The following CREBL2 variants were observed in gnomAD, a reference collection of about 807,000 sequenced individuals.
The protein encoded by CREBL2 is cAMP-responsive element-binding protein-like 2.
Under a neutral mutation model 19.5 loss-of-function variants are expected in CREBL2, and 4 were observed. The ratio of observed to expected loss-of-function variants is 0.20; its 90% CI spans 0.10 to 0.47. The LOEUF (loss-of-function observed/expected upper bound fraction) is 0.47. Ranked by LOEUF, CREBL2 falls within the 20% of genes least tolerant of loss-of-function variation. The pLI is 0.98. For missense variants in CREBL2, 85 were observed against 145.1 expected, an observed-to-expected ratio of 0.59 and a Z score of 2.13; for synonymous variants, 42 against 46.6, an observed-to-expected ratio of 0.90 and a Z score of 0.40.
rs1945532525 is a variant in CREBL2, at chr12:12,642,707, T to C, written c.*709T>C. The C allele has an allele frequency of 6.6e-6, 1 of 152,242 alleles. No homozygotes were observed. The highest frequency in any genetic ancestry group is 1.5e-5 in the Non-Finnish European group (1 of 68,036). The allele number at this position is 152,242 out of a possible 1,614,324, so 9.4% of individuals were successfully genotyped here. ...CCTTTGTTGCTGTCCTCTCAAACTA[T>C]ATTTATAAAAATTTGCTAGGGCCAA... is the stretch of plus-strand genomic sequence containing the variant. On this transcript the variant is annotated 3_prime_UTR_variant, in exon 4 of 4. Coordinates refer to ENST00000228865, the MANE Select transcript of CREBL2 (RefSeq NM_001310.4).
intron 1 of CREBL2, among the ~76,000 whole-genome samples, chr12:12,626,716 G>A (rs1251149257): frequency 6.6e-6 from 1 of 151,906 alleles, no homozygotes; most frequent in Non-Finnish European, 1.5e-5. Context: ...AACAAACTGT[G>A]GTACATCCCT....
At chr12:12,640,779 C>T (rs187323951) in intron 3 of CREBL2, among the ~76,000 whole-genome samples, 1 of 152,290 alleles carries the variant, frequency 6.6e-6, no homozygotes, top group Admixed American at 6.5e-5. Flanking sequence ...GGTTATAAAA[C>T]CTTTATCAGA....
At position 12,642,179 on chromosome 12, in the gene CREBL2, C is replaced by A. The variant is rs569900503; in HGVS notation, c.*181C>A. On this transcript the variant is annotated 3_prime_UTR_variant, in exon 4 of 4. Transcript: ENST00000228865. ...TCTCAAAGGATCTTGCTTTAACTTTCAACACTTAGAAAATCTACAAACATT... is the reference window on the plus strand; with the variant it reads ...TCTCAAAGGATCTTGCTTTAACTTTAAACACTTAGAAAATCTACAAACATT... 7 of 425,922 alleles carry A rather than the reference C, an allele frequency of 1.6e-5. No homozygotes were observed. The highest frequency in any genetic ancestry group is 4.1e-5 in the African/African-American group (2 of 48,940). 26.4% of individuals were successfully genotyped at this position (425,922 alleles called of 1,614,324 possible). A position where few individuals can be genotyped will look rare whatever the true frequency, so the allele number is the denominator to read the frequency against.
chr12:12,634,846 G>A (rs928086172), intron 1 of CREBL2, among the ~76,000 whole-genome samples: 7 of 151,988 alleles, frequency 4.6e-5, no homozygotes, highest in African/African-American at 1.5e-4. Flanking sequence ...GCTTGAGGCC[G>A]GGAGTTTGAG....
rs186673170 is a variant in CREBL2 at position 12,644,440 on chromosome 12, C to T, written c.*2442C>T. 1 of 152,494 alleles carries T rather than the reference C, an allele frequency of 6.6e-6. No individual in the cohort carries two copies. The highest frequency in any genetic ancestry group is 2.4e-5 in the African/African-American group (1 of 41,396). 9.4% of individuals were successfully genotyped at this position (152,494 alleles called of 1,614,324 possible). On this transcript the variant is annotated 3_prime_UTR_variant, in exon 4 of 4. Coordinates refer to ENST00000228865, the MANE Select transcript of CREBL2 (RefSeq NM_001310.4). ...GAGTCCAGGAGAAGGTGCTGCTCTC[C>T]TTGCTTTCTGAGTAAACAGAGTAAT...
intron 1 of CREBL2, among the ~76,000 whole-genome samples, chr12:12,617,179 G>A (rs946497276): frequency 8.5e-5 from 13 of 152,206 alleles, no homozygotes; most frequent in African/African-American, 3.1e-4. Context: ...CATTTATAGA[G>A]ATTGAATTGA....
chr12:12,637,077 A>T (rs538745514), intron 2 of CREBL2, among the ~76,000 whole-genome samples: 1 of 152,226 alleles, frequency 6.6e-6, no homozygotes, highest in Non-Finnish European at 1.5e-5. Flanking sequence ...TTGAGGGCAG[A>T]ATCTTTGGTC....
intron 1 of CREBL2, among the ~76,000 whole-genome samples, chr12:12,625,595 A>G (rs533327729): frequency 6.6e-6 from 1 of 152,288 alleles, no homozygotes; most frequent in South Asian, 2.1e-4. Context: ...GGCATGCTTG[A>G]TTACCTTCTG....
At position 12,641,250 on chromosome 12, in the gene CREBL2, A is replaced by ATTTTTTTTTTTTTTT. The variant is rs1248375488; in HGVS notation, c.359-742_359-741insTTTTTTTTTTTTTTT. ...CTTTATTATTATTATTATTATTATT[A>ATTTTTTTTTTTTTTT]TTATTTTTTTTTATTTTTTTTTTTT... On this transcript the variant is annotated intron_variant, in intron 3 of 3. Transcript: ENST00000228865. Among the ~76,000 whole-genome samples, 46 of 57,996 alleles carry ATTTTTTTTTTTTTTT rather than the reference A, an allele frequency of 7.9e-4. 4 individuals carry two copies. The highest frequency in any genetic ancestry group is 1.2e-3 in the East Asian group (3 of 2,474). 38.0% of individuals were successfully genotyped at this position (57,996 alleles called of 152,430 possible). A position where few individuals can be genotyped will look rare whatever the true frequency, so the allele number is the denominator to read the frequency against.
At position 12,611,953 on chromosome 12, in the gene CREBL2, A is replaced by G; in HGVS notation, c.-220A>G. On this transcript the variant is annotated 5_prime_UTR_variant, in exon 1 of 4. Transcript: ENST00000228865. ...GGGGAGGAGGAGGCGGCGGCGGCGA[A>G]GGGAGGCGTTTGGGGCCGCCTCCAG... The G allele has an allele frequency of 6.8e-6, 4 of 585,472 alleles. No homozygotes were observed. The highest frequency in any genetic ancestry group is 9.0e-6 in the Non-Finnish European group (3 of 333,386). The allele number at this position is 585,472 out of a possible 1,614,324, so 36.3% of individuals were successfully genotyped here.
rs66943066 is a variant in CREBL2 at position 12,617,643 on chromosome 12, C to CTTTTTTTTTTTTT, written c.15+5482_15+5494dup. On this transcript the variant is annotated intron_variant, in intron 1 of 3. Coordinates refer to ENST00000228865, the MANE Select transcript of CREBL2 (RefSeq NM_001310.4). ...CCCTGAGATGCTCATTTTAGTAATT[C>CTTTTTTTTTTTTT]TTTTTTTTTTTTTTTTTTTTTTTTT... 3.6e-4 allele frequency among the ~76,000 whole-genome samples: 14 copies of CTTTTTTTTTTTTT among 38,764 alleles called. 3 individuals carry two copies. The highest frequency in any genetic ancestry group is 1.4e-3 in the East Asian group (2 of 1,392). The allele number at this position is 38,764 out of a possible 152,430, so 25.4% of individuals were successfully genotyped here. A position where few individuals can be genotyped will look rare whatever the true frequency, so the allele number is the denominator to read the frequency against.
intron 1 of CREBL2, among the ~76,000 whole-genome samples, chr12:12,627,103 T>G (rs1210862142): frequency 6.6e-6 from 1 of 152,030 alleles, no homozygotes; most frequent in Non-Finnish European, 1.5e-5. Flanking sequence ...GTGAGACGAT[T>G]CTGTATGATA....
At chr12:12,639,820 G>A (rs1434819915) in intron 3 of CREBL2, among the ~76,000 whole-genome samples, 5 of 152,172 alleles carry the variant, frequency 3.3e-5, no homozygotes, top group Admixed American at 1.3e-4. Flanking sequence ...CGTGATGCCC[G>A]CCTGAGTCTC....
At chr12:12,629,853 T>A (rs898221185) in intron 1 of CREBL2, among the ~76,000 whole-genome samples, 11 of 152,170 alleles carry the variant, frequency 7.2e-5, no homozygotes, top group African/African-American at 2.7e-4. Flanking sequence ...TTTTTGTGTG[T>A]GTGTGAGATG....
intron 1 of CREBL2, among the ~76,000 whole-genome samples, chr12:12,622,927 T>A (rs1945371225): frequency 6.6e-6 from 1 of 152,180 alleles, no homozygotes; most frequent in Non-Finnish European, 1.5e-5. Context: ...TGCTGGTACT[T>A]CTTCATCTAA....
intron 1 of CREBL2, among the ~76,000 whole-genome samples, 191 bp downstream of exon 1, chr12:12,612,378 G>A (rs1448469749): frequency 6.6e-6 from 1 of 152,158 alleles, no homozygotes; most frequent in African/African-American, 2.4e-5. Flanking sequence ...CGTTTTTCCA[G>A]GAAGGGCCCT....
At chr12:12,622,162 T>G (rs773630642) in intron 1 of CREBL2, among the ~76,000 whole-genome samples, 4 of 152,234 alleles carry the variant, frequency 2.6e-5, no homozygotes, top group Non-Finnish European at 4.4e-5. Flanking sequence ...AATATATGTG[T>G]GATCCCATAC....
chr12:12,632,278 C>T (rs1277027165), intron 1 of CREBL2, among the ~76,000 whole-genome samples: 1 of 151,284 alleles, frequency 6.6e-6, no homozygotes, highest in Non-Finnish European at 1.5e-5. Flanking sequence ...GGGGTTTCAC[C>T]GTTTTAGTCA....
At chr12:12,621,199 A>G (rs1287367909) in intron 1 of CREBL2, among the ~76,000 whole-genome samples, 2 of 152,220 alleles carry the variant, frequency 1.3e-5, no homozygotes, top group African/African-American at 2.4e-5. Flanking sequence ...ATGAATGGGC[A>G]TGGCTGTGTT....
Sources: gnomAD v4.1 joint callset for allele counts (sites outside exome capture counted in the v4.1 genomes callset) on GRCh38, gnomAD v4.1.1 for gene constraint, MANE v1.5 for transcripts, NCBI Gene and HGNC (gene_info 2026-07-23, HGNC 2026-07-21) for gene names.